FAM186B: variants seen among roughly 807,000 people sequenced by gnomAD.
The protein encoded by FAM186B is protein FAM186B.
FAM186B carries 68 observed loss-of-function variants against 83.4 expected under a neutral mutation model. The ratio of observed to expected loss-of-function variants is 0.81; its 90% CI spans 0.67 to 1.00. The LOEUF (loss-of-function observed/expected upper bound fraction) is 1.00. Among genes scored for constraint, FAM186B ranks in the 50% least tolerant of loss-of-function variants. The pLI is 0.00. For missense variants in FAM186B, 983 were observed against 1,099.2 expected (o/e 0.89, Z 1.49); for synonymous variants, 389 against 422.0 (o/e 0.92, Z 0.96).
intron 5 of FAM186B, chr12:49,595,685 A>G: frequency 2.6e-6 from 1 of 380,570 alleles, no homozygotes. Context: ...TAGTTCTTAA[A>G]GACTAGAGCA....
At chr12:49,587,496 A>C (rs981068556), downstream of FAM186B, 1 of 1,458,566 alleles carries the variant, frequency 6.9e-7, no homozygotes, top group South Asian at 1.2e-5. Flanking sequence ...ATAGCAAATG[A>C]GGTCATTGTT....
chr12:49,619,211 T>C, the FAM186B span: 1 of 190,608 alleles, frequency 5.2e-6, no homozygotes, highest in South Asian at 1.9e-4. Flanking sequence ...TTCTGGATGA[T>C]GGTCTCCTCA....
intron 5 of FAM186B, among the ~76,000 whole-genome samples, chr12:49,590,326 G>A (rs1256395543): frequency 1.3e-5 from 2 of 151,884 alleles, no homozygotes; most frequent in Non-Finnish European, 1.5e-5. Flanking sequence ...GCAGAGGAGA[G>A]GAAAAAATAA....
rs759604404 is a variant in FAM186B, at chr12:49,601,053, T to G, written c.587A>C (p.Glu196Ala). Reference sequence around the variant, plus strand: ...GGTATGCTGGTCCTGGAGCATCTGTTCTGGGCTTAGTGGCTGAGGATGGGA... The same window carrying G: ...GGTATGCTGGTCCTGGAGCATCTGTGCTGGGCTTAGTGGCTGAGGATGGGA... ...SPSHPQPLSP[E>A]QMLQDQHTMN... Residue 196 changes from glutamate to alanine, a missense_variant, in exon 4 of 7, where the codon GAA becomes GCA. Physicochemically the swap from Glu to Ala is moderately radical, Grantham distance 107. Coordinates refer to ENST00000257894, the MANE Select transcript of FAM186B (RefSeq NM_032130.3). 1.2e-6 allele frequency: 2 copies of G among 1,613,182 alleles called. No individual in the cohort carries two copies. The highest frequency in any genetic ancestry group is 2.2e-5 in the South Asian group (2 of 90,968).
In FAM186B at chr12:49,603,191, A is replaced by G; in HGVS notation, c.499T>C (p.Ser167Pro). ...AGGTGCTCCTAGAACCTACCTTGTG[A>G]CCTTTTCTTTTGTCCTTCAATGAGA... ...STLIEGQKKRSQVSKRTFWQG... is the reference protein window; with the variant it reads ...STLIEGQKKRPQVSKRTFWQG... Residue 167 changes from serine (S) to proline (P), a missense_variant, in exon 3 of 7, where the codon TCA becomes CCA. By Grantham distance (74) the Ser-to-Pro change is moderately conservative. Coordinates refer to ENST00000257894, the MANE Select transcript of FAM186B (RefSeq NM_032130.3). 1.9e-6 allele frequency: 3 copies of G among 1,614,138 alleles called. No homozygotes were observed. Among genetic ancestry groups the G allele is most frequent in the Non-Finnish European group, 2.5e-6 (3 of 1,180,030 alleles).
At chr12:49,618,621 A>G in the FAM186B span, among the ~76,000 whole-genome samples, 1 of 152,192 alleles carries the variant, frequency 6.6e-6, no homozygotes. Context: ...TATGCTATAA[A>G]AAGGACAATT....
chr12:49,619,662 C>T, the FAM186B span: 1 of 283,158 alleles, frequency 3.5e-6, no homozygotes, highest in Non-Finnish European at 6.8e-6. Context: ...TTTAGTTAGA[C>T]ATCTCTTTTT....
chr12:49,622,505 T>A, the FAM186B span: 1 of 152,222 alleles, frequency 6.6e-6, no homozygotes, highest in South Asian at 2.1e-4. Flanking sequence ...ATACGCTGCC[T>A]CAAATAAGAA....
rs1939473688 is a variant in FAM186B, at chr12:49,587,568, G to C, written c.*37C>G. 6.2e-7 allele frequency: 1 copy of C among 1,613,508 alleles called. No homozygotes were observed. Among genetic ancestry groups the C allele is most frequent in the African/African-American group, 1.3e-5 (1 of 74,894 alleles). ...TTGACCATCAGCCTCGCACCTTACT[G>C]GGCCTTCAGGAAGTTCAGGCTTTTG... On this transcript the variant is annotated 3_prime_UTR_variant, in exon 7 of 7. Transcript: ENST00000257894.
At chr12:49,612,693 T>C in the FAM186B span, among the ~76,000 whole-genome samples, 1 of 152,148 alleles carries the variant, frequency 6.6e-6, no homozygotes, top group Non-Finnish European at 1.5e-5. Flanking sequence ...CTATTCTAAA[T>C]ATATATATGC....
chr12:49,590,528 T>C (rs773367901), intron 5 of FAM186B, among the ~76,000 whole-genome samples: 8 of 152,208 alleles, frequency 5.3e-5, no homozygotes, highest in Non-Finnish European at 7.3e-5. Context: ...TTGTACTTGA[T>C]GTATGAATGT....
At position 49,600,697 on chromosome 12, in the gene FAM186B, C is replaced by T. The variant is rs377729338; in HGVS notation, c.943G>A (p.Glu315Lys). The stretch of plus-strand genomic sequence containing the variant: ...TTCTGAGCCTTCTTCAGCTGGAACT[C>T]CAAGGCCTGCTTCATCAGGAGAAGG... ...HDLLLMKQAL[E>K]FQLKKAQNAT... Residue 315 changes from glutamate to lysine, a missense_variant, in exon 4 of 7, where the codon GAG (glutamate) becomes AAG (lysine). By Grantham distance (56) the Glu-to-Lys change is moderately conservative (BLOSUM62 1). Coordinates refer to ENST00000257894, the MANE Select transcript of FAM186B (RefSeq NM_032130.3). The surrounding 1 kb of genome is among the most constrained non-coding windows in gnomAD (Gnocchi z 4.3). The T allele has an allele frequency of 6.8e-6, 11 of 1,614,058 alleles. No homozygotes were observed. The African/African-American group carries it at 8.0e-5, about 12-fold the overall frequency.
chr12:49,590,408 G>T (rs960141950), intron 5 of FAM186B, among the ~76,000 whole-genome samples: 2 of 152,020 alleles, frequency 1.3e-5, no homozygotes, highest in African/African-American at 4.8e-5. Context: ...TAAAGATTGG[G>T]GTTACTTTTT....
the FAM186B span, among the ~76,000 whole-genome samples, chr12:49,616,190 C>T: frequency 6.6e-6 from 1 of 152,054 alleles, no homozygotes; most frequent in Admixed American, 6.6e-5. Flanking sequence ...CCACCATGCT[C>T]GGCTAATTTT....
the FAM186B span, among the ~76,000 whole-genome samples, chr12:49,612,362 A>G: frequency 6.9e-6 from 1 of 145,578 alleles, no homozygotes; most frequent in Non-Finnish European, 1.5e-5. Flanking sequence ...CTTTAATCCA[A>G]CAAAGTTTTT....
In FAM186B at chr12:49,599,854, T is replaced by C. The variant is rs752982311; in HGVS notation, c.1786A>G (p.Met596Val). The C allele has an allele frequency of 1.9e-6, 3 of 1,608,402 alleles. No individual in the cohort carries two copies. The highest frequency in any genetic ancestry group is 2.2e-5 in the South Asian group (2 of 90,160). ...GCAGGCTGCTGGGTACTAGGAGACA[T>C]GGGCAAGTGTGGCCTCCTGCTTTGG... is the stretch of plus-strand genomic sequence containing the variant. ...AHQSRRPHLP[M>V]SPSTQQPALG... The change falls in exon 4 of 7, where the codon ATG becomes GTG. Residue 596 changes from methionine (M) to valine (V), a missense_variant. Met to Val is a conservative substitution (Grantham distance 21). Coordinates refer to ENST00000257894, the MANE Select transcript of FAM186B (RefSeq NM_032130.3).
chr12:49,584,687 C>T, downstream of FAM186B: 1 of 697,842 alleles, frequency 1.4e-6, no homozygotes. Context: ...TGCCATCCCA[C>T]ACCTGAGCAC....
intron 4 of FAM186B, among the ~76,000 whole-genome samples, chr12:49,599,184 T>C (rs1939803975): frequency 6.6e-6 from 1 of 151,856 alleles, no homozygotes; most frequent in South Asian, 2.1e-4. Flanking sequence ...TTAGGTGGAT[T>C]ATAGACAGGG....
intron 4 of FAM186B, 121 bp downstream of exon 4, chr12:49,599,348 C>T: frequency 7.1e-7 from 1 of 1,398,712 alleles, no homozygotes; most frequent in South Asian, 1.9e-5. Context: ...GAGACCCTGT[C>T]CAGGCCTGGG....
Sources: gnomAD v4.1 joint callset for allele counts (sites outside exome capture counted in the v4.1 genomes callset) on GRCh38, gnomAD v4.1.1 for gene constraint, Gnocchi (gnomAD v3.1) non-coding constraint, MANE v1.5 for transcripts, NCBI Gene and HGNC (gene_info 2026-07-23, HGNC 2026-07-21) for gene names.